The following GSE1 variants were observed in gnomAD, a reference collection of about 807,000 sequenced individuals.
The protein encoded by GSE1 is Gse1 coiled-coil protein.
In GSE1, 32 loss-of-function variants were observed where a neutral mutation model predicts 112.6. That is an observed-to-expected ratio of 0.28 (90% CI 0.21 to 0.38). GSE1 has a LOEUF of 0.38. GSE1 is among the 10% of genes least tolerant of loss of function. GSE1 has a pLI of 1.00. For missense variants in GSE1, 2,348 were observed against 1,699.2 expected (o/e 1.38, Z -6.71); for synonymous variants, 1,115 against 735.6 (o/e 1.52, Z -8.35).
upstream of GSE1, among the ~76,000 whole-genome samples, chr16:85,606,504 G>A (rs1054580706): frequency 2.0e-5 from 3 of 152,220 alleles, no homozygotes; most frequent in Non-Finnish European, 4.4e-5. Context: ...CACCAGAGGC[G>A]GCTCCTGGCA....
chr16:85,595,994 A>G (rs2047210499), intron 1 of GSE1, among the ~76,000 whole-genome samples: 1 of 103,118 alleles, frequency 9.7e-6, no homozygotes, highest in Non-Finnish European at 1.9e-5. Flanking sequence ...TCATTCCTCC[A>G]TCCGCCCACC....
intron 2 of GSE1, among the ~76,000 whole-genome samples, chr16:85,420,029 C>A (rs1210805738): frequency 1.3e-5 from 2 of 152,186 alleles, no homozygotes; most frequent in Non-Finnish European, 2.9e-5. Flanking sequence ...GGATGCTGAA[C>A]AGAACAAGTC....
chr16:85,654,529 G>T (rs1259777175), intron 4 of GSE1, 79 bp downstream of exon 4: 6 of 1,267,020 alleles, frequency 4.7e-6, no homozygotes, highest in Non-Finnish European at 6.7e-6. Context: ...CAGGCAGCCT[G>T]CGGTCTGCAC....
intron 1 of GSE1, among the ~76,000 whole-genome samples, chr16:85,334,612 G>C (rs571035337): frequency 6.9e-4 from 105 of 152,332 alleles, no homozygotes; most frequent in African/African-American, 2.5e-3. Context: ...TTGGCGTGGG[G>C]TGGGCCACTT....
upstream of GSE1, among the ~76,000 whole-genome samples, chr16:85,552,098 T>G (rs1473176863): frequency 2.6e-5 from 4 of 151,916 alleles, no homozygotes. Flanking sequence ...CGATCTTGGC[T>G]CACTGCAAGC....
chr16:85,492,413 C>G (rs1198454034), intron 2 of GSE1, among the ~76,000 whole-genome samples: 1 of 152,194 alleles, frequency 6.6e-6, no homozygotes, highest in Non-Finnish European at 1.5e-5. Flanking sequence ...CTTAGGAATT[C>G]TTTCCCTGGA....
chr16:85,256,540 G>T (rs1000065288), intron 1 of GSE1, among the ~76,000 whole-genome samples: 1 of 152,222 alleles, frequency 6.6e-6, no homozygotes, highest in Non-Finnish European at 1.5e-5. Context: ...ACGTTCCTTG[G>T]CGAAGCTCCC....
At chr16:85,658,418 G>A (rs562171006) in intron 8 of GSE1, among the ~76,000 whole-genome samples, 1 of 152,358 alleles carries the variant, frequency 6.6e-6, no homozygotes, top group South Asian at 2.1e-4. Context: ...AGGAGGGTGG[G>A]TAGGATGATT....
At chr16:85,321,494 C>T (rs1465636771) in intron 1 of GSE1, among the ~76,000 whole-genome samples, 1 of 152,116 alleles carries the variant, frequency 6.6e-6, no homozygotes, top group Non-Finnish European at 1.5e-5. Flanking sequence ...TTAGGCCAGG[C>T]ATGGTGACTC....
Position 85,674,666 on chromosome 16 carries a change from A to ATAAC in GSE1, c.*2129_*2132dup, listed in dbSNP as rs1567783724. ...AAAGTAAAAGGGAAAAGTAGATCCGATAACTTAAAAACGTAGCTCATCCCT... is the reference window on the plus strand; with the variant it reads ...AAAGTAAAAGGGAAAAGTAGATCCGATAACTAACTTAAAAACGTAGCTCATCCCT... On this transcript the variant is annotated 3_prime_UTR_variant, in exon 16 of 16. Coordinates refer to ENST00000253458, the MANE Select transcript of GSE1 (RefSeq NM_014615.5). 6.6e-6 allele frequency: 1 copy of ATAAC among 152,262 alleles called. No individual in the cohort carries two copies. Among genetic ancestry groups the ATAAC allele is most frequent in the African/African-American group, 2.4e-5 (1 of 41,468 alleles). 9.4% of individuals were successfully genotyped at this position (152,262 alleles called of 1,614,324 possible).
Position 85,419,163 on chromosome 16 carries a change from C to T in GSE1, c.2464+61520C>T, listed in dbSNP as rs1423836118. On this transcript the variant is annotated intron_variant, in intron 2 of 2. Coordinates refer to the GSE1 transcript ENST00000637419. This position sits in a 1 kb window ranked among gnomAD's most constrained non-coding sequence, Gnocchi z 6.5. ...GAGTGACGTGATGGGAGCCCAGGCACCGAGCCTGGGGATTCTGACAGTCAG... is the reference window on the plus strand; with the variant it reads ...GAGTGACGTGATGGGAGCCCAGGCATCGAGCCTGGGGATTCTGACAGTCAG... Among the ~76,000 whole-genome samples, 2 of 152,120 alleles carry T rather than the reference C, an allele frequency of 1.3e-5. No individual in the cohort carries two copies. The highest frequency in any genetic ancestry group is 2.4e-5 in the African/African-American group (1 of 41,426).
At chr16:85,648,345 G>T (rs545636829) in intron 2 of GSE1, among the ~76,000 whole-genome samples, 1 of 152,054 alleles carries the variant, frequency 6.6e-6, no homozygotes, top group Non-Finnish European at 1.5e-5. Flanking sequence ...GGGAGTGCCC[G>T]GGGTAGACTG....
rs1301237423 is a variant in GSE1 at position 85,655,002 on chromosome 16, C to A, written c.797+11C>A. ...CCACCCGGCCTTCAGGTGAGGCATC[C>A]CCCACGCGCCCTCTCGTCTAGGTGC... On this transcript the variant is annotated intron_variant, in intron 5 of 15. Transcript: ENST00000253458. 2.6e-6 allele frequency: 4 copies of A among 1,512,052 alleles called. No individual in the cohort carries two copies. Among genetic ancestry groups the A allele is most frequent in the Admixed American group, 3.5e-5 (2 of 56,876 alleles). The allele number at this position is 1,512,052 out of a possible 1,614,324, so 93.7% of individuals were successfully genotyped here. A position where few individuals can be genotyped will look rare whatever the true frequency, so the allele number is the denominator to read the frequency against.
At chr16:85,494,520 C>G (rs2051108455) in intron 2 of GSE1, among the ~76,000 whole-genome samples, 2 of 151,490 alleles carry the variant, frequency 1.3e-5, no homozygotes, top group South Asian at 4.2e-4. Flanking sequence ...TGGTGCAATC[C>G]CAGCTCACTG....
At chr16:85,563,440 C>A (rs1423813769) in intron 1 of GSE1, among the ~76,000 whole-genome samples, 2 of 152,194 alleles carry the variant, frequency 1.3e-5, no homozygotes, top group Non-Finnish European at 1.5e-5. Context: ...GGGGTTGGCG[C>A]TGGTCGTTAC....
intron 1 of GSE1, among the ~76,000 whole-genome samples, chr16:85,328,294 C>G (rs2046267046): frequency 6.6e-6 from 1 of 152,198 alleles, no homozygotes; most frequent in Non-Finnish European, 1.5e-5. Context: ...GGCTGTCACC[C>G]CAGAGAAGAG....
chr16:85,524,064 T>C (rs931184268), intron 2 of GSE1, among the ~76,000 whole-genome samples: 1 of 152,150 alleles, frequency 6.6e-6, no homozygotes, highest in Non-Finnish European at 1.5e-5. Flanking sequence ...GGCCAGCTGC[T>C]GCAGCCAGGA....
At chr16:85,329,719 C>T (rs1233977479) in intron 1 of GSE1, among the ~76,000 whole-genome samples, 2 of 151,964 alleles carry the variant, frequency 1.3e-5, no homozygotes, top group Admixed American at 6.5e-5. Flanking sequence ...AAAGGCTCCG[C>T]GCAGGGTAAA....
chr16:85,495,848 G>C (rs529023333), intron 2 of GSE1, among the ~76,000 whole-genome samples: 1 of 152,128 alleles, frequency 6.6e-6, no homozygotes, highest in African/African-American at 2.4e-5. Context: ...CCTAATCAAG[G>C]CCTCCAGGAG....
Sources: gnomAD v4.1 joint callset for allele counts (sites outside exome capture counted in the v4.1 genomes callset) on GRCh38, gnomAD v4.1.1 for gene constraint, Gnocchi (gnomAD v3.1) non-coding constraint, MANE v1.5 for transcripts, NCBI Gene and HGNC (gene_info 2026-07-23, HGNC 2026-07-21) for gene names.